Variants in MTOR observed in about 807,000 individuals in gnomAD.
MTOR encodes mechanistic target of rapamycin kinase, also known as serine/threonine-protein kinase mTOR.
In MTOR, 70 loss-of-function variants were observed where a neutral mutation model predicts 319.8. The ratio of observed to expected loss-of-function variants is 0.22; its 90% CI spans 0.18 to 0.27. The LOEUF is 0.27. Ranked by LOEUF, MTOR falls within the 10% of genes least tolerant of loss-of-function variation. The probability of loss-of-function intolerance (pLI) is 1.00; values close to 1 mark genes in which losing one functional copy is unlikely to be tolerated. For synonymous variants in MTOR, 1,183 were observed against 1,211.4 expected, an observed-to-expected ratio of 0.98 and a Z score of 0.49; for missense variants, 1,890 against 3,274.4, an observed-to-expected ratio of 0.58 and a Z score of 10.32.
chr1:11,213,078 TTTGCTTACATA>T (rs1333360892), intron 21 of MTOR, among the ~76,000 whole-genome samples, 170 bp from the exon 22 acceptor site: 1 of 152,236 alleles, frequency 6.6e-6, no homozygotes, highest in African/African-American at 2.4e-5. Flanking sequence ...CCTCATTTTA[TTTGCTTACATA>T]TTACTTTGCT....
At chr1:11,240,572 T>A in intron 10 of MTOR, 25 bp from the exon 11 acceptor site, 2 of 1,608,906 alleles carry the variant, frequency 1.2e-6, no homozygotes, top group South Asian at 1.1e-5. Flanking sequence ...ACAAGTCACA[T>A]AAGGGCTGGG....
chr1:11,174,753 G>A (rs72871483), intron 28 of MTOR, among the ~76,000 whole-genome samples: 10,334 of 152,184 alleles, frequency 0.068, 540 homozygotes, highest in African/African-American at 0.14. Context: ...GTTTTACGGG[G>A]CAGCTGGGAG....
At chr1:11,167,311 G>T in intron 29 of MTOR, 131 bp downstream of exon 29, 1 of 685,210 alleles carries the variant, frequency 1.5e-6, no homozygotes, top group Non-Finnish European at 2.6e-6. Context: ...CTGAAGACTG[G>T]TAAGTCAGCA....
chr1:11,241,389 T>C (rs900245795), intron 10 of MTOR, among the ~76,000 whole-genome samples, 164 bp downstream of exon 10: 2 of 151,324 alleles, frequency 1.3e-5, no homozygotes, highest in African/African-American at 4.9e-5. Context: ...TATAGAAAGC[T>C]AGTGATGAAA....
intron 6 of MTOR, 139 bp from the exon 7 acceptor site, chr1:11,248,233 G>A (rs1459342991): frequency 3.3e-6 from 3 of 896,314 alleles, no homozygotes; most frequent in Non-Finnish European, 5.1e-6. Context: ...CACTCTTCAT[G>A]TTTAGGGTTA....
chr1:11,215,860 A>C (rs969874574), intron 20 of MTOR, among the ~76,000 whole-genome samples: 1 of 152,244 alleles, frequency 6.6e-6, no homozygotes, highest in Non-Finnish European at 1.5e-5. Flanking sequence ...ATATTAAAGT[A>C]AAATTGCTTT....
In MTOR at chr1:11,238,037, G is replaced by A. The variant is rs2100899226; in HGVS notation, c.2014C>T (p.Arg672Cys). 6.2e-7 allele frequency: 1 copy of A among 1,614,182 alleles called. No individual in the cohort carries two copies. Among genetic ancestry groups the A allele is most frequent in the Non-Finnish European group, 8.5e-7 (1 of 1,180,030 alleles). ...VGITDPDPDI[R>C]YCVLASLDER... is the part of the protein sequence containing the mutation. The stretch of plus-strand genomic sequence containing the variant: ...TCCAGGGACGCCAAGACACAGTAGC[G>A]AATGTCAGGGTCTGCAAGAGCAATG... The change falls in exon 13 of 58, where the codon CGC becomes TGC. Residue 672 changes from arginine (R) to cysteine (C), a missense_variant. Arg to Cys is a radical substitution (Grantham distance 180, BLOSUM62 -3). This residue lies in a region of MTOR where 377 missense variants were observed against 653.9 expected (regional missense o/e 0.58). Coordinates refer to ENST00000361445, the MANE Select transcript of MTOR (RefSeq NM_004958.4).
At chr1:11,166,307 G>C (rs1644641775) in intron 29 of MTOR, among the ~76,000 whole-genome samples, 1 of 152,116 alleles carries the variant, frequency 6.6e-6, no homozygotes, top group Non-Finnish European at 1.5e-5. Context: ...GAGTGAACAG[G>C]CAACCTACAG....
intron 47 of MTOR, among the ~76,000 whole-genome samples, chr1:11,123,128 T>C (rs993013587): frequency 2.0e-5 from 3 of 152,170 alleles, no homozygotes; most frequent in Non-Finnish European, 2.9e-5. Flanking sequence ...CCGCCACAAA[T>C]TGCTCCCTGC....
At chr1:11,228,058 C>T (rs771366859) in intron 19 of MTOR, among the ~76,000 whole-genome samples, 6 of 152,020 alleles carry the variant, frequency 3.9e-5, no homozygotes, top group Non-Finnish European at 5.9e-5. Flanking sequence ...AAAAATGTTA[C>T]GACTTAAATC....
Position 11,213,443 on chromosome 1 carries a change from C to T in MTOR, c.3241G>A (p.Val1081Ile), listed in dbSNP as rs1157729220. Residue 1081 changes from valine (V) to isoleucine (I), a missense_variant, in exon 21 of 58, where the codon GTC (valine) becomes ATC (isoleucine). Coordinates refer to ENST00000361445, the MANE Select transcript of MTOR (RefSeq NM_004958.4). ...CCTGGGCTGTTGTCATGCATGAAGACACGCAGCATGTGTGGGATCAGCTGG... is the reference window on the plus strand; with the variant it reads ...CCTGGGCTGTTGTCATGCATGAAGATACGCAGCATGTGTGGGATCAGCTGG... The part of the protein sequence containing the change: ...LPQLIPHMLR[V>I]FMHDNSPGRI... 6.2e-7 allele frequency: 1 copy of T among 1,613,606 alleles called. No individual in the cohort carries two copies. Among genetic ancestry groups the T allele is most frequent in the Admixed American group, 1.7e-5 (1 of 60,004 alleles).
At chr1:11,123,511 C>G (rs1357662276) in intron 47 of MTOR, among the ~76,000 whole-genome samples, 1 of 151,694 alleles carries the variant, frequency 6.6e-6, no homozygotes, top group African/African-American at 2.4e-5. Flanking sequence ...CTCTGCTGCC[C>G]AGGCTAGAGT....
chr1:11,162,585 C>T (rs536989715), intron 29 of MTOR, among the ~76,000 whole-genome samples: 27 of 152,340 alleles, frequency 1.8e-4, no homozygotes, highest in African/African-American at 6.0e-4. Flanking sequence ...CAGCGGATCT[C>T]TTGGCAGAAA....
At chr1:11,139,893 T>A (rs1019722201) in intron 34 of MTOR, among the ~76,000 whole-genome samples, 2 of 152,128 alleles carry the variant, frequency 1.3e-5, no homozygotes, top group African/African-American at 4.8e-5. Flanking sequence ...GGTTTCAGCA[T>A]CTTGGCCAGG....
chr1:11,157,141 A>G lies in MTOR; in HGVS notation c.4469+11T>C. On this transcript the variant is annotated intron_variant, in intron 30 of 57. Transcript: ENST00000361445. Reference sequence around the variant, plus strand: ...TTGCAGCCACACATGCCATCATTCTAGGAAGCTCACCATTCCCCCAAGGCC... The same window carrying G: ...TTGCAGCCACACATGCCATCATTCTGGGAAGCTCACCATTCCCCCAAGGCC... 1 of 1,592,918 alleles carries G rather than the reference A, an allele frequency of 6.3e-7. No individual in the cohort carries two copies. Among genetic ancestry groups the G allele is most frequent in the African/African-American group, 1.4e-5 (1 of 73,924 alleles).
chr1:11,215,531 A>G (rs2746637), intron 20 of MTOR, among the ~76,000 whole-genome samples: 99,506 of 152,090 alleles, frequency 0.65, 34,498 homozygotes, highest in East Asian at 0.91. Context: ...AGGACATGCC[A>G]TCCCTGTGAA....
chr1:11,204,105 A>G (rs1557840010), intron 26 of MTOR, among the ~76,000 whole-genome samples: 1 of 152,192 alleles, frequency 6.6e-6, no homozygotes, highest in South Asian at 2.1e-4. Context: ...ATCCTGCCCC[A>G]GTCAAACCAT....
chr1:11,130,227 G>T (rs776670416), intron 39 of MTOR, among the ~76,000 whole-genome samples: 87 of 152,298 alleles, frequency 5.7e-4, no homozygotes, highest in Non-Finnish European at 5.6e-4. Flanking sequence ...CCTCAGAGTG[G>T]ACCCGCAGCT....
In MTOR at chr1:11,248,060, T is replaced by C. The variant is rs1343972092; in HGVS notation, c.875A>G (p.Gln292Arg). ...LREEMEEITQ[Q>R]QLVHDKYCKD... ...GCAGTACTTGTCGTGTACCAGCTGC[T>C]GCTGTGTGATTTCTTCCATTTCTTC... The change falls in exon 7 of 58, where the codon CAG (glutamine) becomes CGG (arginine). Residue 292 changes from glutamine to arginine, a missense_variant. Gln to Arg is a conservative substitution (Grantham distance 43). Coordinates refer to ENST00000361445, the MANE Select transcript of MTOR (RefSeq NM_004958.4). 5.0e-6 allele frequency: 8 copies of C among 1,611,548 alleles called. No individual in the cohort carries two copies. The highest frequency in any genetic ancestry group is 6.8e-6 in the Non-Finnish European group (8 of 1,178,352).
Sources: gnomAD v4.1 joint callset for allele counts (sites outside exome capture counted in the v4.1 genomes callset) on GRCh38, gnomAD v4.1.1 for gene constraint, gnomAD v4.1.1 regional missense constraint, MANE v1.5 for transcripts, NCBI Gene and HGNC (gene_info 2026-07-23, HGNC 2026-07-21) for gene names.